The following NFKB2 variants were observed in gnomAD, a reference collection of about 807,000 sequenced individuals.
The protein encoded by NFKB2 is nuclear factor kappa B subunit 2, also known as nuclear factor NF-kappa-B p100 subunit.
In NFKB2, 21 loss-of-function variants were observed where a neutral mutation model predicts 109.3. The ratio of observed to expected loss-of-function variants is 0.19; its 90% CI spans 0.14 to 0.28. The LOEUF (loss-of-function observed/expected upper bound fraction) is 0.28, where lower values mean the gene tolerates loss of function less well. Ranked by LOEUF, NFKB2 falls within the 10% of genes least tolerant of loss-of-function variation. NFKB2 has a pLI of 1.00. For missense variants in NFKB2, 806 were observed against 1,185.3 expected, an observed-to-expected ratio of 0.68 and a Z score of 4.70; for synonymous variants, 478 against 489.9, an observed-to-expected ratio of 0.98 and a Z score of 0.32.
At chr10:102,399,988 GC>G in intron 14 of NFKB2, 91 bp from the exon 15 acceptor site, 1 of 1,323,954 alleles carries the variant, frequency 7.6e-7, no homozygotes, top group Non-Finnish European at 1.1e-6. Flanking sequence ...GGTTCCATGG[GC>G]CCCAGCGAGG....
Position 102,400,892 on chromosome 10 carries a change from G to A in NFKB2, c.1969-55G>A. On this transcript the variant is annotated intron_variant, in intron 17 of 22. Coordinates refer to ENST00000661543, the MANE Select transcript of NFKB2 (RefSeq NM_001322934.2). This position sits in a 1 kb window ranked among gnomAD's most constrained non-coding sequence, Gnocchi z 6.3. ...GAGGGGCCAAAGATGGTGAAGGGGG[G>A]GGCTGGCCAAGGGGACCATGCTGTG... The A allele has an allele frequency of 1.3e-6, 2 of 1,583,666 alleles. No homozygotes were observed. The highest frequency in any genetic ancestry group is 8.6e-7 in the Non-Finnish European group (1 of 1,163,206).
chr10:102,397,002 C>T lies in NFKB2; in HGVS notation c.342C>T (p.Cys114=). 6.2e-7 allele frequency: 1 copy of T among 1,613,788 alleles called. No individual in the cohort carries two copies. The highest frequency in any genetic ancestry group is 1.3e-5 in the African/African-American group (1 of 75,046). Residue 114 remains cysteine, a synonymous_variant, in exon 6 of 23, where the codon TGC becomes TGT. Transcript: ENST00000661543. The surrounding 1 kb of genome is among the most constrained non-coding windows in gnomAD (Gnocchi z 4.7). Reference sequence around the variant, plus strand: ...CCCACAGTCTGGTGGGCAAGCAATGCTCGGAGCTGGGGATCTGCGCCGTTT... The same window carrying T: ...CCCACAGTCTGGTGGGCAAGCAATGTTCGGAGCTGGGGATCTGCGCCGTTT... ...AHAHSLVGKQ[C]SELGICAVSV... is the part of the protein sequence containing the mutation.
upstream of NFKB2, chr10:102,394,384 G>A (rs562696259): frequency 3.9e-5 from 6 of 152,498 alleles, no homozygotes; most frequent in Non-Finnish European, 7.3e-5. Flanking sequence ...GGGCGCGCCC[G>A]AGTCGCTCCG....
At position 102,396,155 on chromosome 10, in the gene NFKB2, G is replaced by T; in HGVS notation, c.22-98G>T. ...AAAGGAGCTTTCTCTTGGGTCTGAG[G>T]AGGAGGGGGGAGTGACCACTGAAGA... On this transcript the variant is annotated intron_variant, in intron 2 of 22. Coordinates refer to ENST00000661543, the MANE Select transcript of NFKB2 (RefSeq NM_001322934.2). This position sits in a 1 kb window ranked among gnomAD's most constrained non-coding sequence, Gnocchi z 5.9. 6.8e-7 allele frequency: 1 copy of T among 1,466,670 alleles called. No homozygotes were observed. The allele number at this position is 1,466,670 out of a possible 1,614,324, so 90.9% of individuals were successfully genotyped here. A position where few individuals can be genotyped will look rare whatever the true frequency, so the allele number is the denominator to read the frequency against.
rs542705209 is a variant in NFKB2 at position 102,400,522 on chromosome 10, G to A, written c.1798+31G>A. The A allele has an allele frequency of 1.3e-6, 2 of 1,588,882 alleles. No individual in the cohort carries two copies. The highest frequency in any genetic ancestry group is 1.8e-5 in the Admixed American group (1 of 55,442). On this transcript the variant is annotated intron_variant, in intron 16 of 22. Transcript: ENST00000661543. This position sits in a 1 kb window ranked among gnomAD's most constrained non-coding sequence, Gnocchi z 6.3. ...CTCCCCATCTCACCTGACTAAGGGG[G>A]CAGGCGGGGACCAGGGAGGGTATCT...
Position 102,398,401 on chromosome 10 carries a change from G to A in NFKB2, c.869G>A (p.Arg290Gln). The change falls in exon 11 of 23, where the codon CGG becomes CAG. Residue 290 changes from arginine (R) to glutamine (Q), a missense_variant. Physicochemically the swap from Arg to Gln is conservative, Grantham distance 43 (BLOSUM62 1). Coordinates refer to ENST00000661543, the MANE Select transcript of NFKB2 (RefSeq NM_001322934.2). The surrounding 1 kb of genome is among the most constrained non-coding windows in gnomAD (Gnocchi z 6.6). The stretch of plus-strand genomic sequence containing the variant: ...ACCCCCCAGTATGCCATTGTGTTCC[G>A]GACACCCCCCTATCACAAGATGAAG... ...DVHKQYAIVFRTPPYHKMKIE... is the reference protein window; with the variant it reads ...DVHKQYAIVFQTPPYHKMKIE... 1 of 1,613,966 alleles carries A rather than the reference G, an allele frequency of 6.2e-7. No individual in the cohort carries two copies. Among genetic ancestry groups the A allele is most frequent in the Non-Finnish European group, 8.5e-7 (1 of 1,179,990 alleles).
In NFKB2 at chr10:102,399,179, C is replaced by T. The variant is rs2061170861; in HGVS notation, c.1118-109C>T. On this transcript the variant is annotated intron_variant, in intron 12 of 22. Coordinates refer to ENST00000661543, the MANE Select transcript of NFKB2 (RefSeq NM_001322934.2). ...GCAGTAAGCTGAGATCACACCACTG[C>T]ACTCCAGGCTGGGCAATAAGAGCGA... 2.8e-6 allele frequency: 3 copies of T among 1,079,302 alleles called. No individual in the cohort carries two copies. The South Asian group carries it at 4.3e-5, about 15-fold the overall frequency. The allele number at this position is 1,079,302 out of a possible 1,614,324, so 66.9% of individuals were successfully genotyped here.
chr10:102,399,189 T>G (rs1589864249), intron 12 of NFKB2, 99 bp from the exon 13 acceptor site: 1 of 1,186,586 alleles, frequency 8.4e-7, no homozygotes, highest in Non-Finnish European at 1.2e-6. Flanking sequence ...CACTCCAGGC[T>G]GGGCAATAAG....
Position 102,401,670 on chromosome 10 carries a change from A to C in NFKB2, c.2294-75A>C. On this transcript the variant is annotated intron_variant, in intron 20 of 22. Transcript: ENST00000661543. This position sits in a 1 kb window ranked among gnomAD's most constrained non-coding sequence, Gnocchi z 4.2. ...CTGTCTGTCGCTTACCTTGGGAGAA[A>C]GGCAGTGTTCAGGTGTCCATGTCCC... 6.5e-7 allele frequency: 1 copy of C among 1,543,128 alleles called. No individual in the cohort carries two copies. Among genetic ancestry groups the C allele is most frequent in the Non-Finnish European group, 8.8e-7 (1 of 1,138,874 alleles).
At position 102,395,909 on chromosome 10, in the gene NFKB2, A is replaced by G; in HGVS notation, c.-51A>G. ...TTAGGCGGGCGTCTAAAATTCTGGGAAGCAGAACCTGGCCGGAGCCACTAG... is the reference window on the plus strand; with the variant it reads ...TTAGGCGGGCGTCTAAAATTCTGGGGAGCAGAACCTGGCCGGAGCCACTAG... On this transcript the variant is annotated 5_prime_UTR_variant, in exon 2 of 23. Transcript: ENST00000661543. 6.8e-7 allele frequency: 1 copy of G among 1,463,208 alleles called. No homozygotes were observed. The highest frequency in any genetic ancestry group is 9.2e-7 in the Non-Finnish European group (1 of 1,088,928). 90.6% of individuals were successfully genotyped at this position (1,463,208 alleles called of 1,614,324 possible). A position where few individuals can be genotyped will look rare whatever the true frequency, so the allele number is the denominator to read the frequency against.
rs763416109 is a variant in NFKB2 at position 102,400,033 on chromosome 10, A to G, written c.1470-47A>G. The G allele has an allele frequency of 1.3e-6, 2 of 1,585,708 alleles. No individual in the cohort carries two copies. Among genetic ancestry groups the G allele is most frequent in the East Asian group, 4.5e-5 (2 of 44,574 alleles). On this transcript the variant is annotated intron_variant, in intron 14 of 22. Coordinates refer to ENST00000661543, the MANE Select transcript of NFKB2 (RefSeq NM_001322934.2). This position sits in a 1 kb window ranked among gnomAD's most constrained non-coding sequence, Gnocchi z 6.3. Reference sequence around the variant, plus strand: ...GAGGGCGGTGGGGCCTTGAAAGCGAAGGATGCTCTGAGTGGCTGGGCCAGA... The same window carrying G: ...GAGGGCGGTGGGGCCTTGAAAGCGAGGGATGCTCTGAGTGGCTGGGCCAGA...
At position 102,400,357 on chromosome 10, in the gene NFKB2, T is replaced by C. The variant is rs1047108117; in HGVS notation, c.1664T>C (p.Leu555Pro). Residue 555 changes from leucine (L) to proline (P), a missense_variant, in exon 16 of 23, where the codon CTG becomes CCG. Leu to Pro is a moderately conservative substitution (Grantham distance 98, BLOSUM62 -3). This residue lies in a region of NFKB2 where 163 missense variants were observed against 207.1 expected (regional missense o/e 0.79). Coordinates refer to ENST00000661543, the MANE Select transcript of NFKB2 (RefSeq NM_001322934.2). This position sits in a 1 kb window ranked among gnomAD's most constrained non-coding sequence, Gnocchi z 6.3. ...CTGCGGGTAGGTGCAGACCCAGCTC[T>C]GCTGGATCGGCATGGAGACTCAGCC... ...FLLRVGADPALLDRHGDSAMH... is the reference protein window; with the variant it reads ...FLLRVGADPAPLDRHGDSAMH... 4.3e-6 allele frequency: 7 copies of C among 1,613,752 alleles called. No homozygotes were observed. The Admixed American group carries it at 1.2e-4, about 27-fold the overall frequency.
Position 102,395,936 on chromosome 10 carries a change from CAG to C in NFKB2, c.-21_-20del. The C allele has an allele frequency of 6.2e-7, 1 of 1,611,900 alleles. No homozygotes were observed. ...GCAGAACCTGGCCGGAGCCACTAGA[CAG>C]AGCCGGGCCTAGCCCAGAGACATGG... On this transcript the variant is annotated 5_prime_UTR_variant, in exon 2 of 23. Transcript: ENST00000661543.
At position 102,397,961 on chromosome 10, in the gene NFKB2, A is replaced by G. The variant is rs752011780; in HGVS notation, c.662-20A>G. 1 of 1,612,418 alleles carries G rather than the reference A, an allele frequency of 6.2e-7. No individual in the cohort carries two copies. Among genetic ancestry groups the G allele is most frequent in the South Asian group, 1.1e-5 (1 of 91,030 alleles). ...CTTGGCTATTGCATCATCTCAACTA[A>G]TCCATATCCCACTCCATAGAATCTC... On this transcript the variant is annotated intron_variant, in intron 8 of 22. Coordinates refer to ENST00000661543, the MANE Select transcript of NFKB2 (RefSeq NM_001322934.2). This position sits in a 1 kb window ranked among gnomAD's most constrained non-coding sequence, Gnocchi z 4.7.
intron 14 of NFKB2, 43 bp downstream of exon 14, chr10:102,399,761 C>T (rs1565209925): frequency 6.9e-7 from 1 of 1,441,706 alleles, no homozygotes; most frequent in East Asian, 2.5e-5. Context: ...GGGGTGGGGG[C>T]AGGAAAGGGA....
rs1014892675 is a variant in NFKB2, at chr10:102,396,561, G to T, written c.144+72G>T. On this transcript the variant is annotated intron_variant, in intron 4 of 22. Coordinates refer to ENST00000661543, the MANE Select transcript of NFKB2 (RefSeq NM_001322934.2). The surrounding 1 kb of genome is among the most constrained non-coding windows in gnomAD (Gnocchi z 5.9). ...CAAATGGGGTAGTGGTAGCTGGCTGGCCATGGAGGAGCCATTGCCGAAGGA... is the reference window on the plus strand; with the variant it reads ...CAAATGGGGTAGTGGTAGCTGGCTGTCCATGGAGGAGCCATTGCCGAAGGA... 5.0e-6 allele frequency: 8 copies of T among 1,607,816 alleles called. No individual in the cohort carries two copies. Among genetic ancestry groups the T allele is most frequent in the Non-Finnish European group, 6.0e-6 (7 of 1,176,116 alleles).
chr10:102,394,994 G>A (rs1306086630), upstream of NFKB2, among the ~76,000 whole-genome samples: 2 of 151,270 alleles, frequency 1.3e-5, no homozygotes, highest in African/African-American at 2.4e-5. Context: ...CTACACACAT[G>A]CTCGCTTGCA....
Position 102,400,203 on chromosome 10 carries a change from G to T in NFKB2, c.1584+9G>T, listed in dbSNP as rs1195678530. On this transcript the variant is annotated intron_variant, in intron 15 of 22. Coordinates refer to ENST00000661543, the MANE Select transcript of NFKB2 (RefSeq NM_001322934.2). The surrounding 1 kb of genome is among the most constrained non-coding windows in gnomAD (Gnocchi z 6.3). Reference sequence around the variant, plus strand: ...CCAACCACCTGCACCAGGTGCGGGGGCGCCTACTGGGGAGGTGGGAGGGGT... The same window carrying T: ...CCAACCACCTGCACCAGGTGCGGGGTCGCCTACTGGGGAGGTGGGAGGGGT... The T allele has an allele frequency of 6.2e-7, 1 of 1,614,060 alleles. No homozygotes were observed. Among genetic ancestry groups the T allele is most frequent in the Admixed American group, 1.7e-5 (1 of 60,034 alleles).
chr10:102,394,350 C>T (rs2061061289), upstream of NFKB2: 1 of 152,320 alleles, frequency 6.6e-6, no homozygotes, highest in Non-Finnish European at 1.5e-5. Context: ...GCTCCCCGCC[C>T]TGAGTGAGCC....
Sources: gnomAD v4.1 joint callset for allele counts (sites outside exome capture counted in the v4.1 genomes callset) on GRCh38, gnomAD v4.1.1 for gene constraint, gnomAD v4.1.1 regional missense constraint, Gnocchi (gnomAD v3.1) non-coding constraint, MANE v1.5 for transcripts, NCBI Gene and HGNC (gene_info 2026-07-23, HGNC 2026-07-21) for gene names.